Variants in HECW2 observed in about 807,000 individuals in gnomAD.
HECW2 encodes HECT, C2 and WW domain containing E3 ubiquitin protein ligase 2, also known as E3 ubiquitin-protein ligase HECW2.
HECW2 carries 61 observed loss-of-function variants against 175.2 expected under a neutral mutation model. That is an observed-to-expected ratio of 0.35 (90% CI 0.28 to 0.43). HECW2 has a LOEUF of 0.43. Among genes scored for constraint, HECW2 ranks in the 20% least tolerant of loss-of-function variants. The pLI is 1.00. For synonymous variants in HECW2, 671 were observed against 731.0 expected (o/e 0.92, Z 1.32); for missense variants, 1,524 against 2,000.5 (o/e 0.76, Z 4.54).
chr2:196,345,022 G>T (rs1390393170), intron 2 of HECW2, among the ~76,000 whole-genome samples: 1 of 152,128 alleles, frequency 6.6e-6, no homozygotes, highest in Non-Finnish European at 1.5e-5. Context: ...TGGGAGGGAT[G>T]GTCCTTTCAT....
intron 21 of HECW2, among the ~76,000 whole-genome samples, chr2:196,235,623 T>A (rs1260561588): frequency 6.6e-6 from 1 of 151,660 alleles, no homozygotes; most frequent in East Asian, 1.9e-4. Context: ...CACACCTTTT[T>A]TGGAGCACAG....
intron 24 of HECW2, 96 bp from the exon 25 acceptor site, chr2:196,221,037 C>G (rs552386351): frequency 1.5e-6 from 2 of 1,308,044 alleles, no homozygotes; most frequent in South Asian, 2.6e-5. Flanking sequence ...AGCTACCTGT[C>G]CCAGCCCTGC....
chr2:196,312,384 G>A lies in HECW2; in HGVS notation c.2435-4299C>T, dbSNP rs550295654. 2.6e-5 allele frequency among the ~76,000 whole-genome samples: 4 copies of A among 152,266 alleles called. No homozygotes were observed. The South Asian group carries it at 8.3e-4, about 32-fold the overall frequency. On this transcript the variant is annotated intron_variant, in intron 10 of 28. Coordinates refer to ENST00000644978, the MANE Select transcript of HECW2 (RefSeq NM_001348768.2). The stretch of plus-strand genomic sequence containing the variant: ...CCACAGGTATCATCACCAAAATGGC[G>A]AGATGATTAAGTTCTAATGAACTAA...
chr2:196,276,856 G>A (rs1005281608), intron 15 of HECW2, among the ~76,000 whole-genome samples: 3 of 152,170 alleles, frequency 2.0e-5, no homozygotes, highest in Non-Finnish European at 4.4e-5. Flanking sequence ...TATAAATCAC[G>A]AGGGGAAATT....
intron 14 of HECW2, among the ~76,000 whole-genome samples, chr2:196,282,907 C>T (rs533521035): frequency 3.9e-5 from 6 of 152,082 alleles, no homozygotes; most frequent in Admixed American, 2.6e-4. Context: ...TCCATTCAGA[C>T]GGTTGAGGGG....
intron 1 of HECW2, among the ~76,000 whole-genome samples, chr2:196,526,869 T>C (rs1575638437): frequency 6.6e-6 from 1 of 152,014 alleles, no homozygotes; most frequent in East Asian, 1.9e-4. Flanking sequence ...GGAGAACCAC[T>C]GCTCTCTTCA....
At chr2:196,557,357 T>C (rs1391099491) in intron 1 of HECW2, among the ~76,000 whole-genome samples, 2 of 151,046 alleles carry the variant, frequency 1.3e-5, no homozygotes, top group Non-Finnish European at 2.9e-5. Context: ...ATTGCACCAT[T>C]GCACTCCAGC....
At chr2:196,410,910 A>G (rs187973199) in intron 2 of HECW2, among the ~76,000 whole-genome samples, 60 of 149,700 alleles carry the variant, frequency 4.0e-4, no homozygotes, top group Non-Finnish European at 6.7e-4. Context: ...CAGCAGTGAT[A>G]ACAACAGCCC....
At chr2:196,433,900 T>A (rs1695792597) in intron 1 of HECW2, among the ~76,000 whole-genome samples, 2 of 152,200 alleles carry the variant, frequency 1.3e-5, no homozygotes, top group Non-Finnish European at 2.9e-5. Context: ...TAAGTACAAG[T>A]TCACTTGCTC....
chr2:196,291,306 T>C (rs910910612), intron 14 of HECW2: 15 of 152,196 alleles, frequency 9.9e-5, no homozygotes, highest in Non-Finnish European at 4.4e-5. Context: ...AATAACATTC[T>C]CCATTCCTGT....
intron 13 of HECW2, among the ~76,000 whole-genome samples, chr2:196,299,559 G>A (rs1690954185): frequency 6.6e-6 from 1 of 152,204 alleles, no homozygotes; most frequent in Non-Finnish European, 1.5e-5. Flanking sequence ...ACCCACTCCA[G>A]ACCTACTGAA....
At chr2:196,247,089 C>T (rs755090353) in intron 19 of HECW2, among the ~76,000 whole-genome samples, 1 of 151,852 alleles carries the variant, frequency 6.6e-6, no homozygotes, top group African/African-American at 2.4e-5. Flanking sequence ...GGTGAAACCC[C>T]GTCTCTACTA....
At chr2:196,514,596 G>A (rs1688079807) in intron 1 of HECW2, among the ~76,000 whole-genome samples, 1 of 152,136 alleles carries the variant, frequency 6.6e-6, no homozygotes, top group South Asian at 2.1e-4. Flanking sequence ...GCTACCCATG[G>A]ACCAATCGGC....
intron 1 of HECW2, among the ~76,000 whole-genome samples, chr2:196,521,724 T>C (rs1422869450): frequency 1.4e-5 from 2 of 148,134 alleles, no homozygotes; most frequent in African/African-American, 5.0e-5. Flanking sequence ...TGAGTGAGAA[T>C]ATGCAGTGTT....
intron 26 of HECW2, among the ~76,000 whole-genome samples, chr2:196,218,948 C>A (rs1171378385): frequency 6.6e-6 from 1 of 152,176 alleles, no homozygotes; most frequent in Non-Finnish European, 1.5e-5. Context: ...AATGTGTGAG[C>A]AAGGCCAGCC....
chr2:196,429,136 C>T (rs1367171430), intron 2 of HECW2, among the ~76,000 whole-genome samples: 1 of 152,188 alleles, frequency 6.6e-6, no homozygotes, highest in Admixed American at 6.5e-5. Context: ...AAAGTTCCCC[C>T]AAAGGTTTCC....
intron 28 of HECW2, among the ~76,000 whole-genome samples, chr2:196,204,336 T>TTTTGTTTG (rs111323129): frequency 0.029 from 4,335 of 152,024 alleles, 171 homozygotes; most frequent in East Asian, 0.15. Context: ...ATTTCTTGTT[T>TTTTGTTTG]TTTGTTTGTT....
intron 14 of HECW2, among the ~76,000 whole-genome samples, chr2:196,284,443 C>T (rs1409546302): frequency 6.6e-6 from 1 of 152,202 alleles, no homozygotes; most frequent in South Asian, 2.1e-4. Context: ...AGGGCACTGA[C>T]TGAATATAGC....
chr2:196,503,461 A>G (rs1687643002), intron 1 of HECW2, among the ~76,000 whole-genome samples: 2 of 152,196 alleles, frequency 1.3e-5, no homozygotes, highest in African/African-American at 2.4e-5. Context: ...GTGTCAGTCA[A>G]GAGCCGCATT....
Sources: gnomAD v4.1 joint callset for allele counts (sites outside exome capture counted in the v4.1 genomes callset) on GRCh38, gnomAD v4.1.1 for gene constraint, MANE v1.5 for transcripts, NCBI Gene and HGNC (gene_info 2026-07-23, HGNC 2026-07-21) for gene names.